Variants in PXDNL observed in about 807,000 individuals in gnomAD.
PXDNL encodes the protein probable oxidoreductase PXDNL.
In PXDNL, 145 loss-of-function variants were observed where a neutral mutation model predicts 150.8. That is an observed-to-expected ratio of 0.96 (90% confidence interval 0.84 to 1.10). PXDNL has a LOEUF of 1.10. Ranked by LOEUF, PXDNL falls within the 50% of genes least tolerant of loss-of-function variation. The pLI is 0.00. For missense variants in PXDNL, 2,087 were observed against 1,873.9 expected (o/e 1.11, Z -2.10); for synonymous variants, 757 against 725.7 (o/e 1.04, Z -0.69).
intron 3 of PXDNL, among the ~76,000 whole-genome samples, chr8:51,591,032 G>A (rs1813432561): frequency 6.6e-6 from 1 of 152,190 alleles, no homozygotes; most frequent in South Asian, 2.1e-4. Context: ...ATTAAGAAGT[G>A]ATTAGGTCAT....
chr8:51,665,222 G>T (rs909766314), intron 1 of PXDNL, among the ~76,000 whole-genome samples: 2 of 152,180 alleles, frequency 1.3e-5, no homozygotes, highest in Admixed American at 6.5e-5. Flanking sequence ...TTAGCGCAGT[G>T]GTTGGGAGTC....
chr8:51,529,343 G>A (rs1811838328), intron 4 of PXDNL, among the ~76,000 whole-genome samples: 1 of 152,168 alleles, frequency 6.6e-6, no homozygotes, highest in Non-Finnish European at 1.5e-5. Flanking sequence ...ATAGTAATGG[G>A]TAACTAGTTT....
intron 1 of PXDNL, among the ~76,000 whole-genome samples, chr8:51,678,291 G>T (rs1015258642): frequency 6.6e-6 from 1 of 152,164 alleles, no homozygotes; most frequent in African/African-American, 2.4e-5. Flanking sequence ...AGAGATCACT[G>T]AAACGCTTAA....
chr8:51,469,052 A>C (rs1357508266), intron 8 of PXDNL, among the ~76,000 whole-genome samples: 1 of 152,036 alleles, frequency 6.6e-6, no homozygotes, highest in Non-Finnish European at 1.5e-5. Context: ...CTTTCAGCAA[A>C]TACTCCTGAA....
At chr8:51,397,030 G>A (rs564555839) in intron 17 of PXDNL, among the ~76,000 whole-genome samples, 28 of 152,280 alleles carry the variant, frequency 1.8e-4, no homozygotes, top group Middle Eastern at 3.4e-3. Flanking sequence ...TCACACGTCT[G>A]TCATAAATGA....
At chr8:51,805,051 T>A (rs1249763941) in intron 1 of PXDNL, among the ~76,000 whole-genome samples, 1 of 151,582 alleles carries the variant, frequency 6.6e-6, no homozygotes, top group African/African-American at 2.4e-5. Flanking sequence ...AGTCAGGAGG[T>A]CAGTGACAGC....
chr8:51,666,796 C>T lies in PXDNL; in HGVS notation c.165-12036G>A, dbSNP rs185450683. ...GGGCCATTCTCCTGCACTCTATATGCCCCTCTTGCATGCAGCTGTGGGGGA... is the reference window on the plus strand; with the variant it reads ...GGGCCATTCTCCTGCACTCTATATGTCCCTCTTGCATGCAGCTGTGGGGGA... On this transcript the variant is annotated intron_variant, in intron 1 of 22. Transcript: ENST00000356297. Among the ~76,000 whole-genome samples, 150 of 152,308 alleles carry T rather than the reference C, an allele frequency of 9.8e-4. 1 individual carries two copies. The highest frequency in any genetic ancestry group is 3.4e-3 in the African/African-American group (141 of 41,556).
At chr8:51,740,687 C>A (rs368411903) in intron 1 of PXDNL, among the ~76,000 whole-genome samples, 1 of 149,510 alleles carries the variant, frequency 6.7e-6, no homozygotes, top group African/African-American at 2.5e-5. Flanking sequence ...GTTTTTTTTT[C>A]TTGTAATTTT....
chr8:51,641,611 A>G (rs1243870284), intron 2 of PXDNL, among the ~76,000 whole-genome samples: 1 of 151,450 alleles, frequency 6.6e-6, no homozygotes, highest in Non-Finnish European at 1.5e-5. Flanking sequence ...AAAAATGCTC[A>G]CCATCACTGG....
intron 1 of PXDNL, among the ~76,000 whole-genome samples, chr8:51,784,899 C>CTA (rs2129251646): frequency 6.6e-6 from 1 of 152,228 alleles, no homozygotes; most frequent in African/African-American, 2.4e-5. Flanking sequence ...AATTATATTT[C>CTA]TATTAAAATT....
At chr8:51,724,786 A>G (rs1173192357) in intron 1 of PXDNL, among the ~76,000 whole-genome samples, 1 of 152,098 alleles carries the variant, frequency 6.6e-6, no homozygotes, top group Non-Finnish European at 1.5e-5. Context: ...TTTATCGTCT[A>G]AGGATCCCCT....
chr8:51,588,193 A>C (rs1485209428), intron 3 of PXDNL, among the ~76,000 whole-genome samples: 1 of 152,196 alleles, frequency 6.6e-6, no homozygotes, highest in Admixed American at 6.5e-5. Context: ...CAATGGATCA[A>C]GTATAAAGAG....
Position 51,371,944 on chromosome 8 carries a change from T to A in PXDNL, c.3830A>T (p.Tyr1277Phe). The A allele has an allele frequency of 6.2e-7, 1 of 1,613,938 alleles. No individual in the cohort carries two copies. Among genetic ancestry groups the A allele is most frequent in the Non-Finnish European group, 8.5e-7 (1 of 1,179,882 alleles). The change falls in exon 19 of 23, where the codon TAC (tyrosine) becomes TTC (phenylalanine). Residue 1277 changes from tyrosine (Y) to phenylalanine (F), a missense_variant. Physicochemically the swap from Tyr to Phe is conservative, Grantham distance 22. Transcript: ENST00000356297. ...GCTGCAGTTCAGGTAATCCTGTGGG[T>A]ATTCTGCCTTTACAAAGACATCAGC... ...VQADVFVKAE[Y>F]PQDYLNCSEI...
intron 1 of PXDNL, among the ~76,000 whole-genome samples, chr8:51,665,942 G>T (rs545923829): frequency 6.6e-6 from 1 of 152,302 alleles, no homozygotes; most frequent in East Asian, 1.9e-4. Flanking sequence ...GTTCTTTTGG[G>T]AAACTATATT....
In PXDNL at chr8:51,678,278, A is replaced by G. The variant is rs186074572; in HGVS notation, c.165-23518T>C. On this transcript the variant is annotated intron_variant, in intron 1 of 22. Transcript: ENST00000356297. Reference sequence around the variant, plus strand: ...CATCAGTTCTCAGACTTGTTTCTTCAGTAGAGATCACTGAAACGCTTAAAG... The same window carrying G: ...CATCAGTTCTCAGACTTGTTTCTTCGGTAGAGATCACTGAAACGCTTAAAG... 6.8e-4 allele frequency among the ~76,000 whole-genome samples: 103 copies of G among 152,300 alleles called. 2 individuals are homozygous for G. The highest frequency in any genetic ancestry group is 2.3e-3 in the African/African-American group (96 of 41,562).
chr8:51,599,092 T>C (rs142210504), intron 2 of PXDNL, among the ~76,000 whole-genome samples: 1,729 of 152,218 alleles, frequency 0.011, 13 homozygotes, highest in South Asian at 0.025. Context: ...TCTCCTTTGT[T>C]ATTTCTCATT....
chr8:51,732,185 A>T (rs1045705393), intron 1 of PXDNL, among the ~76,000 whole-genome samples: 2 of 152,212 alleles, frequency 1.3e-5, no homozygotes, highest in Non-Finnish European at 2.9e-5. Context: ...TGCTTTTAAC[A>T]GGACCCAAGA....
intron 3 of PXDNL, among the ~76,000 whole-genome samples, chr8:51,559,417 C>T (rs4327855): frequency 1.3e-5 from 2 of 148,818 alleles, no homozygotes; most frequent in African/African-American, 4.9e-5. Flanking sequence ...CACAGCTTCC[C>T]GTTTCCCATA....
chr8:51,528,566 A>T (rs1296238679), intron 4 of PXDNL, among the ~76,000 whole-genome samples: 2 of 152,210 alleles, frequency 1.3e-5, no homozygotes, highest in Non-Finnish European at 2.9e-5. Flanking sequence ...GGGACTTTGC[A>T]GACGTGATTA....
Sources: allele counts gnomAD v4.1 joint callset (sites outside exome capture counted in the v4.1 genomes callset), GRCh38; gene constraint gnomAD v4.1.1; transcripts MANE v1.5; gene names NCBI Gene and HGNC (gene_info 2026-07-23, HGNC 2026-07-21).